Variants in CHD9 observed in about 807,000 individuals in gnomAD.
CHD9 encodes the protein chromodomain helicase DNA binding protein 9, also known as ATP-dependent chromatin remodeler CHD9.
A neutral mutation model predicts 316.1 loss-of-function variants in CHD9; 77 were observed. The observed-to-expected ratio is 0.24, with a 90% CI of 0.20 to 0.29. CHD9 has a LOEUF of 0.29. Ranked by LOEUF, CHD9 falls within the 10% of genes least tolerant of loss-of-function variation. The probability of loss-of-function intolerance (pLI) is 1.00; values close to 1 mark genes in which losing one functional copy is unlikely to be tolerated. For missense variants in CHD9, 2,763 were observed against 3,438.1 expected (o/e 0.80, Z 4.91); for synonymous variants, 1,129 against 1,158.3 (o/e 0.97, Z 0.51).
chr16:53,314,779 G>A (rs2056753918), intron 35 of CHD9, 44 bp from the exon 36 acceptor site: 2 of 1,384,722 alleles, frequency 1.4e-6, no homozygotes, highest in African/African-American at 1.4e-5. Flanking sequence ...ATATTAGAAT[G>A]ATAAAGTATG....
chr16:53,201,502 C>T (rs2152849119), intron 2 of CHD9, among the ~76,000 whole-genome samples: 1 of 152,290 alleles, frequency 6.6e-6, no homozygotes, highest in East Asian at 1.9e-4. Context: ...TAACCTATAA[C>T]ACCGTTGATA....
intron 1 of CHD9, among the ~76,000 whole-genome samples, chr16:53,145,921 T>A (rs1327419197): frequency 1.3e-5 from 2 of 152,036 alleles, no homozygotes; most frequent in Non-Finnish European, 2.9e-5. Flanking sequence ...AGCTACAACA[T>A]GGAAGAACCT....
chr16:53,306,279 C>T lies in CHD9; in HGVS notation c.6662C>T (p.Ala2221Val), dbSNP rs369547327. The change falls in exon 32 of 39, where the codon GCG (alanine) becomes GTG (valine). Residue 2221 changes from alanine to valine, a missense_variant. Coordinates refer to ENST00000447540, the MANE Select transcript of CHD9 (RefSeq NM_001308319.2). ...AAAGCCTATGATGAAGAAAGCGTCGCGTCACTGAGCACTACCCAGGATGAG... is the reference window on the plus strand; with the variant it reads ...AAAGCCTATGATGAAGAAAGCGTCGTGTCACTGAGCACTACCCAGGATGAG... ...HMKAYDEESV[A>V]SLSTTQDETQ... The T allele has an allele frequency of 1.9e-5, 30 of 1,594,838 alleles. No homozygotes were observed. The highest frequency in any genetic ancestry group is 9.2e-5 in the South Asian group (8 of 87,408).
intron 1 of CHD9, among the ~76,000 whole-genome samples, chr16:53,149,823 G>C (rs1410544679): frequency 6.7e-6 from 1 of 148,994 alleles, no homozygotes; most frequent in Non-Finnish European, 1.5e-5. Flanking sequence ...GCCTCCCAAA[G>C]TGCTGGGATT....
At chr16:53,166,450 G>A (rs753778763) in intron 2 of CHD9, among the ~76,000 whole-genome samples, 2 of 152,046 alleles carry the variant, frequency 1.3e-5, no homozygotes, top group Non-Finnish European at 2.9e-5. Flanking sequence ...AGAAAATTTT[G>A]TTGTATTTAA....
chr16:53,180,028 CT>C lies in CHD9; in HGVS notation c.1452+22503del, dbSNP rs767442053. Among the ~76,000 whole-genome samples, 1,055 of 135,518 alleles carry C rather than the reference CT, an allele frequency of 7.8e-3. 5 individuals are homozygous for C. Among genetic ancestry groups the C allele is most frequent in the African/African-American group, 0.024 (872 of 36,416 alleles). 88.9% of individuals were successfully genotyped at this position (135,518 alleles called of 152,430 possible). On this transcript the variant is annotated intron_variant, in intron 2 of 38. Transcript: ENST00000447540. Reference sequence around the variant, plus strand: ...AGTTCTTGAATTGTTACCTTACCTTCTTTTTTTTTTTTTTTTGAGACTGAGT... The same window carrying C: ...AGTTCTTGAATTGTTACCTTACCTTCTTTTTTTTTTTTTTTGAGACTGAGT...
At chr16:53,274,073 A>G in intron 23 of CHD9, 140 bp from the exon 24 acceptor site, 1 of 664,140 alleles carries the variant, frequency 1.5e-6, no homozygotes, top group South Asian at 1.9e-5. Context: ...ATATGGTAGT[A>G]ATAAGATTCA....
At chr16:53,146,810 AAGTT>A (rs1437837836) in intron 1 of CHD9, among the ~76,000 whole-genome samples, 4 of 151,752 alleles carry the variant, frequency 2.6e-5, no homozygotes, top group African/African-American at 9.7e-5. Context: ...AAAAAAAAAA[AAGTT>A]AGAATGGTGA....
chr16:53,292,786 A>T, intron 28 of CHD9, 47 bp from the exon 29 acceptor site: 21 of 1,472,640 alleles, frequency 1.4e-5, no homozygotes, highest in Non-Finnish European at 2.0e-5. Flanking sequence ...TGTGAGCTTC[A>T]TACAGTATCT....
intron 1 of CHD9, among the ~76,000 whole-genome samples, chr16:53,143,808 T>C (rs1420760397): frequency 6.6e-6 from 1 of 152,216 alleles, no homozygotes; most frequent in Non-Finnish European, 1.5e-5. Context: ...TCTTTTAGTT[T>C]CTCATTTTTG....
intron 30 of CHD9, among the ~76,000 whole-genome samples, chr16:53,300,340 G>A (rs186644956): frequency 1.3e-5 from 2 of 151,328 alleles, no homozygotes; most frequent in East Asian, 3.9e-4. Flanking sequence ...GTGACAGGGT[G>A]AGACTCCGTC....
intron 2 of CHD9, among the ~76,000 whole-genome samples, chr16:53,194,852 T>C (rs1220531824): frequency 1.3e-5 from 2 of 152,244 alleles, no homozygotes; most frequent in Non-Finnish European, 2.9e-5. Flanking sequence ...CAATAGTATA[T>C]TTCTCTGTTA....
chr16:53,080,171 A>T (rs2034891708), intron 1 of CHD9, among the ~76,000 whole-genome samples: 1 of 152,212 alleles, frequency 6.6e-6, no homozygotes, highest in Non-Finnish European at 1.5e-5. Context: ...CATGGGGGAA[A>T]AGACCCACAC....
intron 26 of CHD9, among the ~76,000 whole-genome samples, chr16:53,286,624 G>A (rs962543651): frequency 9.9e-5 from 15 of 152,094 alleles, no homozygotes; most frequent in African/African-American, 3.6e-4. Flanking sequence ...ACTTCTAGGG[G>A]CATAGGGGGA....
intron 1 of CHD9, among the ~76,000 whole-genome samples, chr16:53,113,855 C>T (rs917125396): frequency 6.6e-6 from 1 of 152,002 alleles, no homozygotes; most frequent in Non-Finnish European, 1.5e-5. Context: ...ACAGCATGCA[C>T]CACCACGCCT....
chr16:53,270,840 C>T (rs948841210), intron 22 of CHD9, among the ~76,000 whole-genome samples: 3 of 152,082 alleles, frequency 2.0e-5, no homozygotes, highest in African/African-American at 7.2e-5. Context: ...CATCAGGAAC[C>T]TCTGGAAGTG....
At position 53,231,475 on chromosome 16, in the gene CHD9, C is replaced by T. The variant is rs777743707; in HGVS notation, c.2343C>T (p.Val781=). 6.3e-6 allele frequency: 10 copies of T among 1,599,790 alleles called. No individual in the cohort carries two copies. Among genetic ancestry groups the T allele is most frequent in the Non-Finnish European group, 8.6e-6 (10 of 1,169,334 alleles). The change falls in exon 9 of 39, where the codon GTC becomes GTT. Residue 781 remains valine (V), a synonymous_variant. Coordinates refer to ENST00000447540, the MANE Select transcript of CHD9 (RefSeq NM_001308319.2). ...TTGAAGTAGACAGAGTATTAGAAGT[C>T]TCTTTTTGTGAAGATAAGGATACTG... ...DYVEVDRVLE[V]SFCEDKDTGE...
In CHD9 at chr16:53,318,277, A is replaced by G. The variant is rs1203777630; in HGVS notation, c.7650A>G (p.Leu2550=). ...KRHRCRNPNK[L]DVNSLTGEER... is the part of the protein sequence containing the mutation. ...ACCGTTGCAGAAACCCCAATAAACT[A>G]GATGTGAATAGTCTCACTGGAGAAG... The change falls in exon 37 of 39, where the codon CTA becomes CTG. Residue 2550 remains leucine, a synonymous_variant. Coordinates refer to ENST00000447540, the MANE Select transcript of CHD9 (RefSeq NM_001308319.2). 4 of 1,612,922 alleles carry G rather than the reference A, an allele frequency of 2.5e-6. No individual in the cohort carries two copies. The highest frequency in any genetic ancestry group is 3.4e-6 in the Non-Finnish European group (4 of 1,179,146).
chr16:53,304,705 T>C (rs2055781413), intron 31 of CHD9, 80 bp downstream of exon 31: 1 of 1,288,750 alleles, frequency 7.8e-7, no homozygotes. Flanking sequence ...TTTTTTTTTT[T>C]TTTTTTGAGA....
Sources: allele counts gnomAD v4.1 joint callset (sites outside exome capture counted in the v4.1 genomes callset), GRCh38; gene constraint gnomAD v4.1.1; transcripts MANE v1.5; gene names NCBI Gene and HGNC (gene_info 2026-07-23, HGNC 2026-07-21).